The following CRPPA variants were observed in gnomAD, a reference collection of about 807,000 sequenced individuals.
CRPPA encodes the protein D-ribitol-5-phosphate cytidylyltransferase.
CRPPA carries 43 observed loss-of-function variants against 52.0 expected under a neutral mutation model. The ratio of observed to expected loss-of-function variants is 0.83; its 90% CI spans 0.65 to 1.07. The LOEUF is 1.07. Ranked by LOEUF, CRPPA falls within the 50% of genes least tolerant of loss-of-function variation. The pLI, the probability that CRPPA is intolerant of heterozygous loss-of-function variation, is 0.00. For synonymous variants in CRPPA, 250 were observed against 203.5 expected, an observed-to-expected ratio of 1.23 and a Z score of -1.94; for missense variants, 629 against 551.7, an observed-to-expected ratio of 1.14 and a Z score of -1.40.
intron 9 of CRPPA, among the ~76,000 whole-genome samples, chr7:16,146,712 GATGTTTT>G (rs1228074709): frequency 1.3e-5 from 2 of 152,084 alleles, no homozygotes; most frequent in African/African-American, 2.4e-5. Context: ...ATACCTATAA[GATGTTTT>G]ATGTAAGCCT....
intron 9 of CRPPA, among the ~76,000 whole-genome samples, chr7:16,180,491 G>T (rs1360479386): frequency 6.6e-6 from 1 of 152,070 alleles, no homozygotes; most frequent in Admixed American, 6.6e-5. Flanking sequence ...TATAGATAAT[G>T]TAATGGTAGT....
At chr7:16,221,246 A>G (rs1326192541) in intron 8 of CRPPA, among the ~76,000 whole-genome samples, 1 of 152,232 alleles carries the variant, frequency 6.6e-6, no homozygotes, top group Non-Finnish European at 1.5e-5. Context: ...AGCCATATGT[A>G]GAAAGCTGAA....
intron 9 of CRPPA, among the ~76,000 whole-genome samples, chr7:16,122,652 G>A (rs1244463087): frequency 6.6e-6 from 1 of 151,752 alleles, no homozygotes; most frequent in Non-Finnish European, 1.5e-5. Context: ...ATCATGGCAG[G>A]GACAAAAATG....
chr7:16,363,791 T>C (rs1343590425), intron 3 of CRPPA, among the ~76,000 whole-genome samples: 1 of 152,172 alleles, frequency 6.6e-6, no homozygotes, highest in Non-Finnish European at 1.5e-5. Context: ...AATATGTCGT[T>C]ATTGCAGACA....
chr7:16,168,513 A>C (rs1049336164), intron 9 of CRPPA, among the ~76,000 whole-genome samples: 1 of 149,150 alleles, frequency 6.7e-6, no homozygotes, highest in African/African-American at 2.5e-5. Flanking sequence ...CTAAAATGAC[A>C]TAAGACACTG....
chr7:16,162,908 A>C (rs1404668444), intron 9 of CRPPA, among the ~76,000 whole-genome samples: 1 of 147,694 alleles, frequency 6.8e-6, no homozygotes, highest in Non-Finnish European at 1.5e-5. Flanking sequence ...TTCCTGTTGC[A>C]TTGATCCCTT....
chr7:16,373,572 T>C (rs1339071398), intron 3 of CRPPA, among the ~76,000 whole-genome samples: 2 of 152,186 alleles, frequency 1.3e-5, no homozygotes, highest in Non-Finnish European at 2.9e-5. Context: ...GTAAGTCTGA[T>C]GCTGGGGAGA....
At chr7:16,219,160 A>G (rs1374688922) in intron 8 of CRPPA, among the ~76,000 whole-genome samples, 4 of 151,934 alleles carry the variant, frequency 2.6e-5, no homozygotes, top group African/African-American at 4.8e-5. Flanking sequence ...GCTCAACTAC[A>G]TGGAAACTGA....
intron 9 of CRPPA, among the ~76,000 whole-genome samples, chr7:16,100,758 T>C (rs1219373369): frequency 1.3e-5 from 2 of 152,224 alleles, no homozygotes; most frequent in Non-Finnish European, 2.9e-5. Flanking sequence ...TTCCAGCTTT[T>C]GCCCATTCAG....
At chr7:16,131,458 T>G (rs887005267) in intron 9 of CRPPA, among the ~76,000 whole-genome samples, 1 of 152,198 alleles carries the variant, frequency 6.6e-6, no homozygotes, top group African/African-American at 2.4e-5. Flanking sequence ...ATAAAGTGGC[T>G]GCCCCAGGTA....
At chr7:16,415,214 G>C (rs567885696) in intron 1 of CRPPA, among the ~76,000 whole-genome samples, 24 of 152,260 alleles carry the variant, frequency 1.6e-4, no homozygotes, top group African/African-American at 5.5e-4. Context: ...AAATGGACAA[G>C]CAATCTGAAG....
At chr7:16,305,500 G>A (rs1482278283) in intron 4 of CRPPA, among the ~76,000 whole-genome samples, 1 of 152,116 alleles carries the variant, frequency 6.6e-6, no homozygotes, top group African/African-American at 2.4e-5. Flanking sequence ...CTAGTGGGGG[G>A]ATCGCCCTTT....
At chr7:16,344,526 G>T (rs941065768) in intron 3 of CRPPA, among the ~76,000 whole-genome samples, 10 of 151,510 alleles carry the variant, frequency 6.6e-5, no homozygotes, top group African/African-American at 2.4e-4. Flanking sequence ...ATGCCAACCT[G>T]AGCAACAGAG....
intron 9 of CRPPA, among the ~76,000 whole-genome samples, chr7:16,130,857 G>T (rs1356367867): frequency 2.6e-5 from 4 of 152,022 alleles, no homozygotes; most frequent in Non-Finnish European, 5.9e-5. Context: ...AAGGCCTTTG[G>T]GGGGTGATTA....
chr7:16,234,472 T>A (rs909070454), intron 8 of CRPPA, among the ~76,000 whole-genome samples: 9 of 152,008 alleles, frequency 5.9e-5, no homozygotes, highest in African/African-American at 1.7e-4. Flanking sequence ...AAATGAAAAA[T>A]TTTTTAATTG....
chr7:16,120,628 A>G (rs1167848967), intron 9 of CRPPA, among the ~76,000 whole-genome samples: 1 of 152,112 alleles, frequency 6.6e-6, no homozygotes, highest in African/African-American at 2.4e-5. Flanking sequence ...TTCCTTGGCT[A>G]TAAATCTCTA....
intron 9 of CRPPA, among the ~76,000 whole-genome samples, chr7:16,110,519 C>G (rs1234750740): frequency 6.6e-6 from 1 of 151,982 alleles, no homozygotes; most frequent in East Asian, 1.9e-4. Flanking sequence ...TGATTTCAAA[C>G]TATACTACAG....
At chr7:16,177,066 G>C (rs1239250456) in intron 9 of CRPPA, among the ~76,000 whole-genome samples, 1 of 152,060 alleles carries the variant, frequency 6.6e-6, no homozygotes, top group Non-Finnish European at 1.5e-5. Context: ...GTTACACATG[G>C]TTTCAATGCA....
intron 1 of CRPPA, among the ~76,000 whole-genome samples, chr7:16,408,142 A>G (rs569854466): frequency 2.0e-5 from 3 of 151,700 alleles, no homozygotes; most frequent in Non-Finnish European, 4.4e-5. Flanking sequence ...ACTTATCAGC[A>G]TCGAGGATAC....
Sources: gnomAD v4.1 joint callset for allele counts (sites outside exome capture counted in the v4.1 genomes callset) on GRCh38, gnomAD v4.1.1 for gene constraint, MANE v1.5 for transcripts, NCBI Gene and HGNC (gene_info 2026-07-23, HGNC 2026-07-21) for gene names.